Variants in PDZRN4 observed in about 807,000 individuals in gnomAD.
The protein encoded by PDZRN4 is PDZ domain-containing RING finger protein 4.
PDZRN4 carries 70 observed loss-of-function variants against 99.0 expected under a neutral mutation model. The ratio of observed to expected loss-of-function variants is 0.71; its 90% CI spans 0.58 to 0.86. The LOEUF is 0.86. Ranked by LOEUF, PDZRN4 falls within the 40% of genes least tolerant of loss-of-function variation. PDZRN4 has a pLI of 0.00. For synonymous variants in PDZRN4, 551 were observed against 501.6 expected (o/e 1.10, Z -1.32); for missense variants, 1,474 against 1,331.2 (o/e 1.11, Z -1.67).
At chr12:41,318,458 C>A (rs1466530392) in intron 3 of PDZRN4, among the ~76,000 whole-genome samples, 2 of 152,192 alleles carry the variant, frequency 1.3e-5, no homozygotes, top group Admixed American at 6.5e-5. Context: ...TAACCACAAT[C>A]CCAACACCCA....
chr12:41,213,920 C>T (rs1950903481), intron 3 of PDZRN4, among the ~76,000 whole-genome samples: 1 of 151,870 alleles, frequency 6.6e-6, no homozygotes, highest in Admixed American at 6.6e-5. Flanking sequence ...GTCCTAATCC[C>T]TAAAATAAGG....
chr12:41,299,422 C>G (rs568845537), intron 3 of PDZRN4, among the ~76,000 whole-genome samples: 20 of 152,178 alleles, frequency 1.3e-4, no homozygotes, highest in African/African-American at 4.6e-4. Context: ...GTTGGACGCA[C>G]AATTTGTGTG....
At chr12:41,339,841 A>G (rs1951803806) in intron 3 of PDZRN4, among the ~76,000 whole-genome samples, 1 of 152,128 alleles carries the variant, frequency 6.6e-6, no homozygotes, top group African/African-American at 2.4e-5. Flanking sequence ...ATCATGGATC[A>G]TGAGAGAAAT....
At chr12:41,495,414 G>A (rs1937978915) in intron 3 of PDZRN4, among the ~76,000 whole-genome samples, 1 of 152,016 alleles carries the variant, frequency 6.6e-6, no homozygotes, top group Non-Finnish European at 1.5e-5. Flanking sequence ...AGATACCGAG[G>A]CTGGCTGTTA....
Position 41,490,292 on chromosome 12 carries a change from G to T in PDZRN4, c.844-16164G>T, listed in dbSNP as rs375546681. 7.2e-5 allele frequency among the ~76,000 whole-genome samples: 11 copies of T among 152,092 alleles called. 1 individual carries two copies. Among genetic ancestry groups the T allele is most frequent in the Admixed American group, 5.2e-4 (8 of 15,248 alleles). ...AGAGAGTTTTCTCCAGGTCTACATTGGTAGCAAATGGTGAAACTAGAAAGA... is the reference window on the plus strand; with the variant it reads ...AGAGAGTTTTCTCCAGGTCTACATTTGTAGCAAATGGTGAAACTAGAAAGA... On this transcript the variant is annotated intron_variant, in intron 3 of 9. Coordinates refer to ENST00000402685, the MANE Select transcript of PDZRN4 (RefSeq NM_001164595.2).
At chr12:41,544,957 A>G (rs1938920634) in intron 5 of PDZRN4, among the ~76,000 whole-genome samples, 1 of 152,168 alleles carries the variant, frequency 6.6e-6, no homozygotes, top group African/African-American at 2.4e-5. Context: ...TTCATCTATG[A>G]AATGGAAATA....
Position 41,371,186 on chromosome 12 carries a change from G to C in PDZRN4, c.844-135270G>C, listed in dbSNP as rs1952038786. On this transcript the variant is annotated intron_variant, in intron 3 of 9. Coordinates refer to ENST00000402685, the MANE Select transcript of PDZRN4 (RefSeq NM_001164595.2). ...TATTATTCTAGATTGATTTTTTTAA[G>C]TTGGCATATTTATATCCCAGGACCA... Among the ~76,000 whole-genome samples, 4 of 149,496 alleles carry C rather than the reference G, an allele frequency of 2.7e-5. No homozygotes were observed. In the South Asian group the frequency reaches 8.4e-4, roughly 31 times the overall value.
intron 3 of PDZRN4, among the ~76,000 whole-genome samples, chr12:41,223,906 G>A (rs1352129784): frequency 6.6e-6 from 1 of 152,182 alleles, no homozygotes; most frequent in Non-Finnish European, 1.5e-5. Context: ...GGCTAGGAGT[G>A]GAAAGGTACA....
At chr12:41,398,942 C>G (rs1952270497) in intron 3 of PDZRN4, among the ~76,000 whole-genome samples, 1 of 152,090 alleles carries the variant, frequency 6.6e-6, no homozygotes, top group African/African-American at 2.4e-5. Context: ...AAACTATTTT[C>G]ATCTCATCTG....
In PDZRN4 at chr12:41,318,645, A is replaced by T. The variant is rs978598154; in HGVS notation, c.843+124457A>T. On this transcript the variant is annotated intron_variant, in intron 3 of 9. Transcript: ENST00000402685. ...ACACTTTACTTTCTGCAGTTGTATA[A>T]TGAAAACAGTGGATTTATTGGTTGT... is the stretch of plus-strand genomic sequence containing the variant. Among the ~76,000 whole-genome samples, 7 of 152,304 alleles carry T rather than the reference A, an allele frequency of 4.6e-5. No individual in the cohort carries two copies. In the East Asian group the frequency reaches 9.7e-4, roughly 21 times the overall value.
chr12:41,223,060 T>G (rs1226962263), intron 3 of PDZRN4, among the ~76,000 whole-genome samples: 2 of 152,136 alleles, frequency 1.3e-5, no homozygotes, highest in Non-Finnish European at 2.9e-5. Flanking sequence ...TTCTTTTAAA[T>G]GGCAAAGCTC....
At chr12:41,246,231 A>G (rs981371298) in intron 3 of PDZRN4, among the ~76,000 whole-genome samples, 3 of 152,172 alleles carry the variant, frequency 2.0e-5, no homozygotes, top group African/African-American at 7.2e-5. Context: ...TTGTTTTATC[A>G]GCAATGAATA....
intron 3 of PDZRN4, among the ~76,000 whole-genome samples, chr12:41,367,004 C>T (rs529621868): frequency 5.8e-4 from 88 of 152,090 alleles, no homozygotes; most frequent in South Asian, 1.5e-3. Context: ...ATTAGACCTA[C>T]GGGGAGCTGT....
chr12:41,531,614 G>A (rs1047704997), intron 5 of PDZRN4, among the ~76,000 whole-genome samples: 24 of 152,240 alleles, frequency 1.6e-4, no homozygotes, highest in Non-Finnish European at 1.0e-4. Flanking sequence ...ACCTAGGTCC[G>A]TGGAGGTGGA....
At chr12:41,196,355 G>A (rs1950772865) in intron 3 of PDZRN4, among the ~76,000 whole-genome samples, 1 of 152,128 alleles carries the variant, frequency 6.6e-6, no homozygotes, top group East Asian at 1.9e-4. Flanking sequence ...ATTTTTCAAT[G>A]TGTCTTTTAT....
intron 3 of PDZRN4, among the ~76,000 whole-genome samples, chr12:41,463,077 C>T (rs1952887941): frequency 6.6e-6 from 1 of 152,152 alleles, no homozygotes; most frequent in East Asian, 1.9e-4. Flanking sequence ...TCTCAGAAAT[C>T]TTCAGTAGCT....
intron 3 of PDZRN4, among the ~76,000 whole-genome samples, chr12:41,372,921 C>T (rs532754537): frequency 4.3e-4 from 65 of 152,208 alleles, no homozygotes; most frequent in Non-Finnish European, 6.8e-4. Context: ...TGATATTTCA[C>T]GTAGTTTGTC....
chr12:41,337,843 A>G (rs538888856), intron 3 of PDZRN4, among the ~76,000 whole-genome samples: 26 of 152,238 alleles, frequency 1.7e-4, no homozygotes, highest in African/African-American at 5.5e-4. Flanking sequence ...AAGCAATACT[A>G]TAAAATGAAG....
chr12:41,380,846 T>C (rs1335541135), intron 3 of PDZRN4, among the ~76,000 whole-genome samples: 3 of 152,152 alleles, frequency 2.0e-5, no homozygotes, highest in African/African-American at 7.2e-5. Flanking sequence ...TGTTTTTACA[T>C]TGTAATTAAT....
Sources: allele counts gnomAD v4.1 joint callset (sites outside exome capture counted in the v4.1 genomes callset), GRCh38; gene constraint gnomAD v4.1.1; transcripts MANE v1.5; gene names NCBI Gene and HGNC (gene_info 2026-07-23, HGNC 2026-07-21).